The following HELZ variants were observed in gnomAD, a reference collection of about 807,000 sequenced individuals.
HELZ encodes helicase with zinc finger, also known as ATP-dependent RNA helicase with zinc finger domain.
A neutral mutation model predicts 218.2 loss-of-function variants in HELZ; 23 were observed. That is an observed-to-expected ratio of 0.11 (90% CI 0.08 to 0.15). HELZ has a LOEUF of 0.15. Ranked by LOEUF, HELZ falls within the 10% of genes least tolerant of loss-of-function variation. The probability of loss-of-function intolerance (pLI) is 1.00; values close to 1 mark genes in which losing one functional copy is unlikely to be tolerated. For synonymous variants in HELZ, 814 were observed against 829.4 expected (o/e 0.98, Z 0.32); for missense variants, 1,813 against 2,353.7 (o/e 0.77, Z 4.75).
intron 15 of HELZ, among the ~76,000 whole-genome samples, chr17:67,165,235 T>C (rs1410558233): frequency 1.3e-5 from 2 of 152,174 alleles, no homozygotes; most frequent in Non-Finnish European, 2.9e-5. Flanking sequence ...GACTGCACAG[T>C]AAGAGTAAGC....
chr17:67,161,301 T>C (rs2038988630), intron 15 of HELZ, among the ~76,000 whole-genome samples: 1 of 152,214 alleles, frequency 6.6e-6, no homozygotes, highest in African/African-American at 2.4e-5. Context: ...TGTCCTACAC[T>C]ACGTACAAAA....
At chr17:67,230,337 C>G (rs1341724578) in intron 3 of HELZ, among the ~76,000 whole-genome samples, 1 of 152,136 alleles carries the variant, frequency 6.6e-6, no homozygotes, top group Non-Finnish European at 1.5e-5. Context: ...GTGGCTCATG[C>G]CTGTAATCCC....
chr17:67,166,732 A>T (rs1598355044), intron 14 of HELZ, 124 bp from the exon 15 acceptor site: 1 of 716,642 alleles, frequency 1.4e-6, no homozygotes. Flanking sequence ...TTAAAGTATA[A>T]TCATAGTCTA....
chr17:67,091,861 G>A (rs555100194), intron 31 of HELZ, among the ~76,000 whole-genome samples: 1 of 152,046 alleles, frequency 6.6e-6, no homozygotes, highest in Non-Finnish European at 1.5e-5. Flanking sequence ...AGAACACTTA[G>A]GGTCTACTAA....
At chr17:67,127,606 G>C (rs1213582805) in intron 24 of HELZ, among the ~76,000 whole-genome samples, 1 of 152,144 alleles carries the variant, frequency 6.6e-6, no homozygotes, top group Non-Finnish European at 1.5e-5. Flanking sequence ...CCAGCACTTT[G>C]GGAAGCCAAG....
chr17:67,244,664 C>T (rs2041423269), intron 1 of HELZ: 1 of 977,784 alleles, frequency 1.0e-6, no homozygotes, highest in African/African-American at 1.8e-5. Context: ...ACCCACTTTT[C>T]CCCACGCCCC....
chr17:67,143,742 T>A (rs2038407361), intron 21 of HELZ, among the ~76,000 whole-genome samples: 1 of 152,126 alleles, frequency 6.6e-6, no homozygotes, highest in Non-Finnish European at 1.5e-5. Flanking sequence ...AAAAAAAGAA[T>A]GATCTTTCTC....
At position 67,197,977 on chromosome 17, in the gene HELZ, T is replaced by A. The variant is rs549519695; in HGVS notation, c.430-2507A>T. Among the ~76,000 whole-genome samples the A allele has an allele frequency of 3.3e-5, 5 of 151,860 alleles. No homozygotes were observed. The South Asian group carries it at 6.2e-4, about 19-fold the overall frequency. ...TAGCATTCTACGCTGCAAAAAAAAT[T>A]AAAAAAAAGCCATTAAAAGATCTCT... On this transcript the variant is annotated intron_variant, in intron 7 of 32. Coordinates refer to ENST00000358691, the MANE Select transcript of HELZ (RefSeq NM_014877.4).
rs544386030 is a variant in HELZ at position 67,166,634 on chromosome 17, A to C, written c.1765-26T>G. 1.9e-6 allele frequency: 3 copies of C among 1,610,586 alleles called. No homozygotes were observed. In the East Asian group the frequency reaches 6.7e-5, roughly 36 times the overall value. ...CTGAAAGACAAAATGAATGTTTTAA[A>C]AACTGCATGAAAGCAAACATCAATG... On this transcript the variant is annotated intron_variant, in intron 14 of 32. Coordinates refer to ENST00000358691, the MANE Select transcript of HELZ (RefSeq NM_014877.4).
intron 31 of HELZ, among the ~76,000 whole-genome samples, chr17:67,104,116 C>A (rs1032160067): frequency 6.6e-6 from 1 of 152,032 alleles, no homozygotes; most frequent in African/African-American, 2.4e-5. Context: ...AACTAAGAAC[C>A]AAGTGTAAGA....
At chr17:67,192,436 CTATT>C (rs1412706494) in intron 9 of HELZ, among the ~76,000 whole-genome samples, 1 of 152,076 alleles carries the variant, frequency 6.6e-6, no homozygotes, top group Non-Finnish European at 1.5e-5. Flanking sequence ...TAAAATTATA[CTATT>C]TATTAAATTC....
At chr17:67,103,703 T>A (rs2036999519) in intron 31 of HELZ, among the ~76,000 whole-genome samples, 1 of 152,216 alleles carries the variant, frequency 6.6e-6, no homozygotes, top group African/African-American at 2.4e-5. Flanking sequence ...ATTCTTTTTT[T>A]AAATGTCAGC....
chr17:67,161,069 C>T lies in HELZ; in HGVS notation c.1903G>A (p.Asp635Asn). ...TIPWSPNRQW[D>N]EQLDPRLNAK... The stretch of plus-strand genomic sequence containing the variant: ...TTTAGTCGAGGATCCAACTGTTCAT[C>T]CCATTGTCTATGGAAAATAAAAATT... The change falls in exon 16 of 33, where the codon GAT (aspartate) becomes AAT (asparagine). Residue 635 changes from aspartate to asparagine, a missense_variant. By Grantham distance (23) the Asp-to-Asn change is conservative. This residue lies in a region of HELZ where 714 missense variants were observed against 1,029.2 expected (regional missense o/e 0.69). Coordinates refer to ENST00000358691, the MANE Select transcript of HELZ (RefSeq NM_014877.4). The T allele has an allele frequency of 6.2e-7, 1 of 1,604,578 alleles. No individual in the cohort carries two copies. The highest frequency in any genetic ancestry group is 8.5e-7 in the Non-Finnish European group (1 of 1,175,856).
chr17:67,093,987 C>T (rs1177723891), intron 31 of HELZ, among the ~76,000 whole-genome samples: 2 of 152,042 alleles, frequency 1.3e-5, no homozygotes, highest in African/African-American at 2.4e-5. Flanking sequence ...ACCAAACTCC[C>T]GCAACATGTA....
intron 3 of HELZ, among the ~76,000 whole-genome samples, chr17:67,232,358 C>T (rs1418113998): frequency 1.3e-5 from 2 of 152,032 alleles, no homozygotes; most frequent in Non-Finnish European, 2.9e-5. Flanking sequence ...TTCACCATGT[C>T]GGCCAGGCCG....
At chr17:67,186,160 CA>C (rs148232048) in intron 12 of HELZ, among the ~76,000 whole-genome samples, 5 of 147,814 alleles carry the variant, frequency 3.4e-5, no homozygotes, top group Admixed American at 2.0e-4. Context: ...AATAAAGAAA[CA>C]AAAAAAAAAC....
At position 67,125,436 on chromosome 17, in the gene HELZ, G is replaced by A. The variant is rs538445303; in HGVS notation, c.3388-1422C>T. On this transcript the variant is annotated intron_variant, in intron 24 of 32. Transcript: ENST00000358691. ...AGATGGCAAAAGTATAAGATGAGAA[G>A]CAGGAGCAATTAGAAGAGACAAGAT... Among the ~76,000 whole-genome samples, 404 of 149,442 alleles carry A rather than the reference G, an allele frequency of 2.7e-3. 4 individuals carry two copies. The highest frequency in any genetic ancestry group is 3.5e-3 in the Middle Eastern group (1 of 288).
At chr17:67,209,579 C>A (rs1201802297) in intron 5 of HELZ, among the ~76,000 whole-genome samples, 1 of 152,174 alleles carries the variant, frequency 6.6e-6, no homozygotes, top group Admixed American at 6.5e-5. Flanking sequence ...GCCTAGGCAA[C>A]AGAGCGAGAC....
At chr17:67,195,591 A>C in intron 7 of HELZ, 121 bp from the exon 8 acceptor site, 1 of 596,556 alleles carries the variant, frequency 1.7e-6, no homozygotes, top group South Asian at 2.3e-5. Flanking sequence ...TTTTAATAAC[A>C]TTAATATGTT....
Sources: gnomAD v4.1 joint callset for allele counts (sites outside exome capture counted in the v4.1 genomes callset) on GRCh38, gnomAD v4.1.1 for gene constraint, gnomAD v4.1.1 regional missense constraint, MANE v1.5 for transcripts, NCBI Gene and HGNC (gene_info 2026-07-23, HGNC 2026-07-21) for gene names.